CYP27A1: variants seen among roughly 807,000 people sequenced by gnomAD.
CYP27A1 encodes the protein sterol 26-hydroxylase, mitochondrial.
In CYP27A1, 46 loss-of-function variants were observed where a neutral mutation model predicts 58.2. The observed-to-expected ratio is 0.79, with a 90% CI of 0.62 to 1.01. The LOEUF (loss-of-function observed/expected upper bound fraction) is 1.01, where lower values mean the gene tolerates loss of function less well. Among genes scored for constraint, CYP27A1 ranks in the 50% least tolerant of loss-of-function variants. CYP27A1 has a pLI of 0.00. For synonymous variants in CYP27A1, 274 were observed against 285.1 expected, an observed-to-expected ratio of 0.96 and a Z score of 0.39; for missense variants, 704 against 687.0, an observed-to-expected ratio of 1.02 and a Z score of -0.28.
chr2:218,805,604 C>CTAGCTCCTTGAACAGTA (rs11269128), intron 1 of CYP27A1, among the ~76,000 whole-genome samples: 3 of 151,856 alleles, frequency 2.0e-5, no homozygotes, highest in African/African-American at 7.3e-5. Context: ...TGCTGTATCC[C>CTAGCTCCTTGAACAGTA]TAGGAGGAAC....
chr2:218,812,152 G>T, intron 2 of CYP27A1, 70 bp from the exon 3 acceptor site: 2 of 1,201,922 alleles, frequency 1.7e-6, no homozygotes, highest in Non-Finnish European at 2.5e-6. Flanking sequence ...GGACTTCAGG[G>T]TGAGAAGATC....
intron 1 of CYP27A1, among the ~76,000 whole-genome samples, chr2:218,809,026 T>A (rs1943680791): frequency 6.6e-6 from 1 of 152,174 alleles, no homozygotes. Flanking sequence ...ATAAATATCA[T>A]ACCGCATGGC....
chr2:218,807,775 A>ATTTT (rs759173020), intron 1 of CYP27A1, among the ~76,000 whole-genome samples: 64 of 143,054 alleles, frequency 4.5e-4, no homozygotes, highest in African/African-American at 1.6e-3. Flanking sequence ...TGCCCAGCGA[A>ATTTT]TTTTTTTTTT....
At chr2:218,789,384 C>A (rs57470234) in intron 1 of CYP27A1, among the ~76,000 whole-genome samples, 2 of 152,200 alleles carry the variant, frequency 1.3e-5, no homozygotes, top group Admixed American at 1.3e-4. Flanking sequence ...AATCAGACAG[C>A]GTCCCGAGCC....
intron 1 of CYP27A1, 113 bp from the exon 2 acceptor site, chr2:218,809,464 T>TTTCCCC: frequency 2.8e-6 from 1 of 355,636 alleles, no homozygotes; most frequent in Non-Finnish European, 5.3e-6. Context: ...TTTTTTTTTT[T>TTTCCCC]GCCCAGCTCA....
Position 218,814,546 on chromosome 2 carries a change from C to G in CYP27A1, c.1265C>G (p.Thr422Ser), listed in dbSNP as rs1240888230. The G allele has an allele frequency of 1.9e-6, 3 of 1,614,038 alleles. No individual in the cohort carries two copies. ...ATGCTGCCCAATCTTCCTTTATAGA[C>G]CCAGTTTGTGTTCTGCCACTATGTG... ...EVDGFLFPKN[T>S]QFVFCHYVVS... The change falls in exon 8 of 9, where the codon ACC (threonine) becomes AGC (serine). Residue 422 changes from threonine to serine, a missense_variant and splice_region_variant. Transcript: ENST00000258415.
intron 2 of CYP27A1, among the ~76,000 whole-genome samples, chr2:218,811,786 A>G (rs982345312): frequency 2.6e-5 from 4 of 152,230 alleles, no homozygotes; most frequent in African/African-American, 9.6e-5. Context: ...GTATAATTCC[A>G]AGATAATCAG....
At chr2:218,791,746 A>G (rs544952890) in intron 1 of CYP27A1, among the ~76,000 whole-genome samples, 11 of 152,310 alleles carry the variant, frequency 7.2e-5, no homozygotes, top group African/African-American at 2.6e-4. Flanking sequence ...CATTCTCAGA[A>G]GACCTACTCT....
intron 1 of CYP27A1, among the ~76,000 whole-genome samples, chr2:218,797,590 T>A (rs1226122436): frequency 6.6e-6 from 1 of 152,202 alleles, no homozygotes; most frequent in African/African-American, 2.4e-5. Flanking sequence ...CAAAAAGCCA[T>A]GCATCAGGAA....
chr2:218,806,951 ATTTT>A (rs10647379), intron 1 of CYP27A1, among the ~76,000 whole-genome samples: 2 of 100,512 alleles, frequency 2.0e-5, no homozygotes, highest in Non-Finnish European at 3.7e-5. Context: ...CTCCTAGGGA[ATTTT>A]TTTTTTTTTT....
rs188904811 is a variant in CYP27A1, at chr2:218,782,612, G to A, written c.255+175G>A. The stretch of plus-strand genomic sequence containing the variant: ...GGAGAATGGGCAAAGTGCAGACAGA[G>A]CCCTTTGAGCTGAGATAAACAGGAC... On this transcript the variant is annotated intron_variant, in intron 1 of 8. Coordinates refer to ENST00000258415, the MANE Select transcript of CYP27A1 (RefSeq NM_000784.4). This position sits in a 1 kb window ranked among gnomAD's most constrained non-coding sequence, Gnocchi z 4.1. Among the ~76,000 whole-genome samples, 4 of 152,302 alleles carry A rather than the reference G, an allele frequency of 2.6e-5. No homozygotes were observed. The East Asian group carries it at 7.7e-4, about 29-fold the overall frequency.
chr2:218,812,200 C>T, intron 2 of CYP27A1, 22 bp from the exon 3 acceptor site: 2 of 1,601,872 alleles, frequency 1.2e-6, no homozygotes, highest in South Asian at 2.2e-5. Context: ...TATCTTTGTG[C>T]TGTTCCTCTG....
At chr2:218,790,215 A>G (rs1943478848) in intron 1 of CYP27A1, among the ~76,000 whole-genome samples, 1 of 152,206 alleles carries the variant, frequency 6.6e-6, no homozygotes. Context: ...TTCATAGGTT[A>G]TGGTGCCTCT....
In CYP27A1 at chr2:218,782,234, C is replaced by A. The variant is rs1284837909; in HGVS notation, c.52C>A (p.Arg18Ser). ...GAGGTGGGCGCTGCGAGGGGCCGGC[C>A]GTGGCCTCTGCCCCCACGGGGCCAG... Reference protein sequence around the residue: ...RLRWALRGAGRGLCPHGARAK... With the variant: ...RLRWALRGAGSGLCPHGARAK... The change falls in exon 1 of 9, where the codon CGT becomes AGT. Residue 18 changes from arginine (R) to serine (S), a missense_variant. Physicochemically the swap from Arg to Ser is moderately radical, Grantham distance 110 (BLOSUM62 -1). Transcript: ENST00000258415. The surrounding 1 kb of genome is among the most constrained non-coding windows in gnomAD (Gnocchi z 4.1). The A allele has an allele frequency of 3.2e-6, 5 of 1,545,004 alleles. No homozygotes were observed. The South Asian group carries it at 4.7e-5, about 15-fold the overall frequency.
chr2:218,811,120 C>T (rs1359806693), intron 2 of CYP27A1, among the ~76,000 whole-genome samples: 23 of 152,194 alleles, frequency 1.5e-4, no homozygotes, highest in Non-Finnish European at 2.4e-4. Flanking sequence ...CAGAGCGAGA[C>T]TCTGTCTCAA....
chr2:218,802,712 A>G (rs1451853626), intron 1 of CYP27A1, among the ~76,000 whole-genome samples: 1 of 152,246 alleles, frequency 6.6e-6, no homozygotes, highest in Non-Finnish European at 1.5e-5. Flanking sequence ...AGGAACTGAT[A>G]CTGTTATTTT....
chr2:218,798,058 A>C (rs951923803), intron 1 of CYP27A1, among the ~76,000 whole-genome samples: 1 of 152,098 alleles, frequency 6.6e-6, no homozygotes, highest in Admixed American at 6.5e-5. Context: ...GCTGGAGTGC[A>C]GTGGTGTGAT....
intron 2 of CYP27A1, among the ~76,000 whole-genome samples, chr2:218,811,199 G>A (rs1353852778): frequency 1.3e-5 from 2 of 152,136 alleles, no homozygotes; most frequent in East Asian, 1.9e-4. Context: ...AATACTCACC[G>A]TGGAAATTCC....
At chr2:218,807,966 A>G (rs1190735570) in intron 1 of CYP27A1, among the ~76,000 whole-genome samples, 1 of 152,170 alleles carries the variant, frequency 6.6e-6, no homozygotes, top group Admixed American at 6.5e-5. Flanking sequence ...CTATGAAAGC[A>G]AATACAAATA....
Sources: gnomAD v4.1 joint callset for allele counts (sites outside exome capture counted in the v4.1 genomes callset) on GRCh38, gnomAD v4.1.1 for gene constraint, Gnocchi (gnomAD v3.1) non-coding constraint, MANE v1.5 for transcripts, NCBI Gene and HGNC (gene_info 2026-07-23, HGNC 2026-07-21) for gene names.